Variants in FGL1 observed in about 807,000 individuals in gnomAD.
FGL1 encodes the protein fibrinogen like 1.
Under a neutral mutation model 43.7 loss-of-function variants are expected in FGL1, and 59 were observed. The ratio of observed to expected loss-of-function variants is 1.35; its 90% CI spans 1.10 to 1.68. FGL1 has a LOEUF of 1.68. FGL1 is among the 40% of genes most tolerant of loss of function. The pLI is 0.00. For synonymous variants in FGL1, 192 were observed against 126.5 expected (o/e 1.52, Z -3.48); for missense variants, 596 against 373.0 (o/e 1.60, Z -4.92).
chr8:17,874,334 A>G (rs1407002043), intron 4 of FGL1, 28 bp downstream of exon 4: 1 of 1,598,806 alleles, frequency 6.3e-7, no homozygotes, highest in African/African-American at 1.3e-5. Context: ...GCTGCTACAT[A>G]TAAAGTCTTA....
chr8:17,876,507 C>A (rs1319597626), intron 3 of FGL1, among the ~76,000 whole-genome samples: 1 of 152,048 alleles, frequency 6.6e-6, no homozygotes, highest in Non-Finnish European at 1.5e-5. Flanking sequence ...CACATGCGTT[C>A]ATATACATGC....
Position 17,869,881 on chromosome 8 carries a change from G to T in FGL1, c.503-877C>A, listed in dbSNP as rs563783315. On this transcript the variant is annotated intron_variant, in intron 5 of 7. Coordinates refer to ENST00000427924, the MANE Select transcript of FGL1 (RefSeq NM_004467.4). ...TCCCAGCACTTTGGGAGGCCGAGGCGGGCGGATCACGAGGTCAGGAGATAG... is the reference window on the plus strand; with the variant it reads ...TCCCAGCACTTTGGGAGGCCGAGGCTGGCGGATCACGAGGTCAGGAGATAG... Among the ~76,000 whole-genome samples the T allele has an allele frequency of 2.0e-4, 31 of 152,250 alleles. 1 individual carries two copies. The South Asian group carries it at 6.4e-3, about 32-fold the overall frequency.
At chr8:17,884,233 C>T (rs1001388062) in intron 2 of FGL1, among the ~76,000 whole-genome samples, 4 of 151,778 alleles carry the variant, frequency 2.6e-5, no homozygotes, top group Non-Finnish European at 5.9e-5. Flanking sequence ...GCTCTGTTGC[C>T]CAGGCTGGAG....
chr8:17,867,355 C>T (rs183957974), intron 7 of FGL1, among the ~76,000 whole-genome samples: 7 of 152,130 alleles, frequency 4.6e-5, no homozygotes, highest in African/African-American at 1.2e-4. Context: ...AAGAAGACCA[C>T]GACAGTGTAT....
In FGL1 at chr8:17,868,909, G is replaced by C. The variant is rs1364167065; in HGVS notation, c.591+7C>G. 1.3e-6 allele frequency: 2 copies of C among 1,582,488 alleles called. No homozygotes were observed. Among genetic ancestry groups the C allele is most frequent in the Non-Finnish European group, 8.6e-7 (1 of 1,164,484 alleles). ...TCACGGTTTTACTTCTTAGAAAATT[G>C]TAGTACCTTTTCATCTCCAACTTTG... is the stretch of plus-strand genomic sequence containing the variant. On this transcript the variant is annotated splice_region_variant and intron_variant, in intron 6 of 7. Transcript: ENST00000427924.
rs1563457107 is a variant in FGL1, at chr8:17,882,178, GC to G, written c.64del (p.Ala22ArgfsTer101). 6.2e-7 allele frequency: 1 copy of G among 1,611,808 alleles called. No individual in the cohort carries two copies. On this transcript the variant is annotated frameshift_variant and splice_region_variant, in exon 3 of 8. Coordinates refer to ENST00000427924, the MANE Select transcript of FGL1 (RefSeq NM_004467.4). LOFTEE classifies it high-confidence loss of function. ...CTGCTCCTGGGCACAGTCCTCGAGC[GC>G]CTGCAAAACAGGTGAGATGAGATGA... The part of the protein sequence containing the change: ...TALTMGREIS[A>X]LEDCAQEQMR...
At chr8:17,874,719 C>T (rs961263762) in intron 3 of FGL1, 198 bp from the exon 4 acceptor site, 4 of 385,878 alleles carry the variant, frequency 1.0e-5, no homozygotes, top group African/African-American at 2.1e-5. Context: ...AAATTTGCCA[C>T]CTGAATCCTT....
intron 7 of FGL1, among the ~76,000 whole-genome samples, chr8:17,865,705 T>C (rs1013747628): frequency 6.6e-6 from 1 of 152,236 alleles, no homozygotes; most frequent in Non-Finnish European, 1.5e-5. Context: ...TGTGTTGTTA[T>C]GAAATTAATT....
At chr8:17,876,686 GC>G (rs1445107007) in intron 3 of FGL1, among the ~76,000 whole-genome samples, 3 of 152,084 alleles carry the variant, frequency 2.0e-5, no homozygotes, top group South Asian at 2.1e-4. Flanking sequence ...TTGGAAAGAA[GC>G]TTTTTGCTTA....
chr8:17,866,429 A>G (rs1305250084), intron 7 of FGL1, among the ~76,000 whole-genome samples: 1 of 152,238 alleles, frequency 6.6e-6, no homozygotes, highest in Non-Finnish European at 1.5e-5. Flanking sequence ...GGGACAGAAA[A>G]AAAGCAACAG....
chr8:17,878,554 C>A (rs994922684), intron 3 of FGL1, among the ~76,000 whole-genome samples: 3 of 152,068 alleles, frequency 2.0e-5, no homozygotes, highest in African/African-American at 7.2e-5. Context: ...TTTGTTCTTG[C>A]CACCAGTTAA....
chr8:17,889,443 G>A (rs1036864462), intron 1 of FGL1, among the ~76,000 whole-genome samples: 3 of 152,046 alleles, frequency 2.0e-5, no homozygotes, highest in Non-Finnish European at 2.9e-5. Context: ...CCAGCTACTC[G>A]GGAGGCTGAA....
Position 17,874,166 on chromosome 8 carries a change from C to G in FGL1, c.405-50G>C, listed in dbSNP as rs201465199. ...ATTAGAGCAAACTCCATTTGTGGTACCAAAGCGACCACCACCCACCCCCTG... is the reference window on the plus strand; with the variant it reads ...ATTAGAGCAAACTCCATTTGTGGTAGCAAAGCGACCACCACCCACCCCCTG... On this transcript the variant is annotated intron_variant, in intron 4 of 7. Coordinates refer to ENST00000427924, the MANE Select transcript of FGL1 (RefSeq NM_004467.4). The G allele has an allele frequency of 2.7e-6, 4 of 1,478,590 alleles. No individual in the cohort carries two copies. In the Admixed American group the frequency reaches 7.2e-5, roughly 27 times the overall value. The allele number at this position is 1,478,590 out of a possible 1,614,324, so 91.6% of individuals were successfully genotyped here.
At chr8:17,876,840 T>G (rs1563453315) in intron 3 of FGL1, among the ~76,000 whole-genome samples, 1 of 152,220 alleles carries the variant, frequency 6.6e-6, no homozygotes, top group Non-Finnish European at 1.5e-5. Flanking sequence ...AATTTTCTAC[T>G]TGTTATTATT....
Position 17,880,632 on chromosome 8 carries a change from A to G in FGL1, c.244+1367T>C, listed in dbSNP as rs1158378543. On this transcript the variant is annotated intron_variant, in intron 3 of 7. Transcript: ENST00000427924. Reference sequence around the variant, plus strand: ...ATAAAAGTACATTAAATATCATTCTAGACCTCACAGAGTGCCCAGTTAATT... The same window carrying G: ...ATAAAAGTACATTAAATATCATTCTGGACCTCACAGAGTGCCCAGTTAATT... Among the ~76,000 whole-genome samples, 3 of 152,216 alleles carry G rather than the reference A, an allele frequency of 2.0e-5. No individual in the cohort carries two copies. In the South Asian group the frequency reaches 6.2e-4, roughly 31 times the overall value.
At chr8:17,875,249 T>G (rs1189182576) in intron 3 of FGL1, among the ~76,000 whole-genome samples, 1 of 152,208 alleles carries the variant, frequency 6.6e-6, no homozygotes, top group Non-Finnish European at 1.5e-5. Context: ...TGTATATGTG[T>G]GCCATGTTGG....
At chr8:17,878,362 C>T (rs9325823) in intron 3 of FGL1, among the ~76,000 whole-genome samples, 77,957 of 152,006 alleles carry the variant, frequency 0.51, 22,876 homozygotes, top group Non-Finnish European at 0.68. Flanking sequence ...TATGTAATGT[C>T]CCCAAAGGCC....
chr8:17,868,852 C>A, intron 6 of FGL1, 64 bp downstream of exon 6: 1 of 1,464,806 alleles, frequency 6.8e-7, no homozygotes, highest in Non-Finnish European at 9.3e-7. Flanking sequence ...TCCACTGACT[C>A]CAGGGTTATA....
rs373985863 is a variant in FGL1 at position 17,885,543 on chromosome 8, C to T, written c.12G>A (p.Val4=). The change falls in exon 2 of 8, where the codon GTG becomes GTA. Residue 4 remains valine, a synonymous_variant. Transcript: ENST00000427924. The part of the protein sequence containing the change: MAK[V]FSFILVTTAL... ...CGGTGGTAACAAGGATGAAACTGAACACCTTTGCCATGTTCCCCCTTGAAA... is the reference window on the plus strand; with the variant it reads ...CGGTGGTAACAAGGATGAAACTGAATACCTTTGCCATGTTCCCCCTTGAAA... 1 of 1,613,580 alleles carries T rather than the reference C, an allele frequency of 6.2e-7. No homozygotes were observed. Among genetic ancestry groups the T allele is most frequent in the African/African-American group, 1.3e-5 (1 of 74,908 alleles).
Sources: gnomAD v4.1 joint callset for allele counts (sites outside exome capture counted in the v4.1 genomes callset) on GRCh38, gnomAD v4.1.1 for gene constraint, MANE v1.5 for transcripts, NCBI Gene and HGNC (gene_info 2026-07-23, HGNC 2026-07-21) for gene names.